The following MSI2 variants were observed in gnomAD, a reference collection of about 807,000 sequenced individuals.
MSI2 encodes musashi RNA binding protein 2, also known as RNA-binding protein Musashi homolog 2.
A neutral mutation model predicts 45.6 loss-of-function variants in MSI2; 17 were observed. The observed-to-expected ratio is 0.37, with a 90% CI of 0.26 to 0.56. MSI2 has a LOEUF of 0.56. Among genes scored for constraint, MSI2 ranks in the 20% least tolerant of loss-of-function variants. The pLI is 0.77. For synonymous variants in MSI2, 156 were observed against 158.2 expected, an observed-to-expected ratio of 0.99 and a Z score of 0.11; for missense variants, 293 against 444.2, an observed-to-expected ratio of 0.66 and a Z score of 3.06.
intron 6 of MSI2, among the ~76,000 whole-genome samples, chr17:57,456,949 T>C (rs986002970): frequency 2.2e-4 from 33 of 152,182 alleles, no homozygotes; most frequent in Admixed American, 1.6e-3. Flanking sequence ...TGTGGTTTCA[T>C]TGGCACTTCA....
chr17:57,633,646 A>G (rs1250752513), intron 10 of MSI2, among the ~76,000 whole-genome samples: 2 of 152,224 alleles, frequency 1.3e-5, no homozygotes, highest in Non-Finnish European at 2.9e-5. Flanking sequence ...ATGAAGCCGG[A>G]GGACCTGGTT....
chr17:57,265,989 C>T (rs1406073843), intron 5 of MSI2: 1 of 152,310 alleles, frequency 6.6e-6, no homozygotes, highest in Middle Eastern at 3.4e-3. Flanking sequence ...TAGCATCTTT[C>T]AGCAAGAGCG....
intron 7 of MSI2, among the ~76,000 whole-genome samples, chr17:57,581,888 A>G (rs1202353146): frequency 6.6e-6 from 1 of 152,270 alleles, no homozygotes; most frequent in Admixed American, 6.5e-5. Context: ...GAATGCTAAT[A>G]GAATAAAATT....
chr17:57,499,093 A>G (rs2086042566), intron 6 of MSI2, among the ~76,000 whole-genome samples: 1 of 152,120 alleles, frequency 6.6e-6, no homozygotes, highest in South Asian at 2.1e-4. Flanking sequence ...GCTAAGGGCA[A>G]GGCCAGACGC....
At chr17:57,281,729 G>A (rs1909436573) in intron 5 of MSI2, among the ~76,000 whole-genome samples, 1 of 152,154 alleles carries the variant, frequency 6.6e-6, no homozygotes, top group African/African-American at 2.4e-5. Context: ...CAAATCAAAG[G>A]TGAGCCCGTT....
At chr17:57,526,356 GGTGTGTGTGTGTGTGTGTGTGTGTGT>G (rs71143203) in intron 6 of MSI2, among the ~76,000 whole-genome samples, 124 of 122,596 alleles carry the variant, frequency 1.0e-3, no homozygotes, top group Middle Eastern at 4.1e-3. Context: ...GATATACCTG[GGTGTGTGTGTGTGTGTGTGTGTGTGT>G]GTGTGTGTGT....
At chr17:57,361,606 CAAAAA>C (rs34432170) in intron 5 of MSI2, among the ~76,000 whole-genome samples, 1 of 71,770 alleles carries the variant, frequency 1.4e-5, no homozygotes. Flanking sequence ...GACCTTGTCT[CAAAAA>C]AAAAAAAAAA....
At chr17:57,342,794 G>T (rs759299467) in intron 5 of MSI2, among the ~76,000 whole-genome samples, 1 of 152,124 alleles carries the variant, frequency 6.6e-6, no homozygotes, top group African/African-American at 2.4e-5. Flanking sequence ...GATAGAAGGG[G>T]AAAATGAGTT....
At chr17:57,459,625 G>A (rs2085184535) in intron 6 of MSI2, among the ~76,000 whole-genome samples, 1 of 152,174 alleles carries the variant, frequency 6.6e-6, no homozygotes, top group Non-Finnish European at 1.5e-5. Flanking sequence ...GTAGTGGTAG[G>A]TCCTGGAGAC....
chr17:57,329,151 T>C (rs1914056990), intron 5 of MSI2, among the ~76,000 whole-genome samples: 1 of 152,162 alleles, frequency 6.6e-6, no homozygotes, highest in Non-Finnish European at 1.5e-5. Flanking sequence ...ATGCTGGGAT[T>C]GTGTGTTGTT....
chr17:57,564,975 G>A (rs1037574047), intron 7 of MSI2, among the ~76,000 whole-genome samples: 2 of 152,186 alleles, frequency 1.3e-5, no homozygotes, highest in Non-Finnish European at 1.5e-5. Context: ...CGTTTATGGG[G>A]CACCTAACAG....
At chr17:57,316,024 A>G (rs1283472100) in intron 5 of MSI2, among the ~76,000 whole-genome samples, 2 of 151,882 alleles carry the variant, frequency 1.3e-5, no homozygotes, top group Non-Finnish European at 2.9e-5. Flanking sequence ...ATTATTATGG[A>G]ATATCTGAGG....
intron 10 of MSI2, among the ~76,000 whole-genome samples, chr17:57,651,206 CCTGA>C (rs1327943523): frequency 6.6e-6 from 1 of 152,148 alleles, no homozygotes; most frequent in Non-Finnish European, 1.5e-5. Context: ...ACCTTGGCCT[CCTGA>C]CTATTATTCC....
At position 57,452,083 on chromosome 17, in the gene MSI2, G is replaced by A. The variant is rs571651255; in HGVS notation, c.405+50612G>A. ...CATGTCCTCAAATCCAGCTTTCCCAGTGTGGGCACCTGTGACCACACCCTC... is the reference window on the plus strand; with the variant it reads ...CATGTCCTCAAATCCAGCTTTCCCAATGTGGGCACCTGTGACCACACCCTC... On this transcript the variant is annotated intron_variant, in intron 6 of 13. Transcript: ENST00000284073. Among the ~76,000 whole-genome samples the A allele has an allele frequency of 4.6e-5, 7 of 152,288 alleles. 1 individual carries two copies. The highest frequency in any genetic ancestry group is 7.2e-5 in the African/African-American group (3 of 41,564).
intron 6 of MSI2, among the ~76,000 whole-genome samples, chr17:57,459,748 C>G (rs758609396): frequency 5.3e-5 from 8 of 152,084 alleles, no homozygotes; most frequent in Non-Finnish European, 1.2e-4. Context: ...AATCCTAGCA[C>G]TTTAGGAGGC....
chr17:57,669,552 A>G (rs1054721488), intron 11 of MSI2, among the ~76,000 whole-genome samples: 6 of 152,246 alleles, frequency 3.9e-5, no homozygotes, highest in African/African-American at 1.4e-4. Context: ...TAAGCATGAT[A>G]TAGACAAGAT....
intron 6 of MSI2, among the ~76,000 whole-genome samples, chr17:57,528,024 C>T (rs1310470102): frequency 2.6e-5 from 4 of 152,148 alleles, no homozygotes; most frequent in Admixed American, 6.5e-5. Context: ...TGCACATCAA[C>T]GGTGCTCAGT....
chr17:57,697,329 C>A, the MSI2 span, among the ~76,000 whole-genome samples: 2 of 151,942 alleles, frequency 1.3e-5, no homozygotes, highest in African/African-American at 4.8e-5. Context: ...ACTTTACTCA[C>A]ACTCAGCCCT....
chr17:57,635,686 C>T (rs1412425297), intron 10 of MSI2, among the ~76,000 whole-genome samples: 1 of 152,248 alleles, frequency 6.6e-6, no homozygotes, highest in African/African-American at 2.4e-5. Context: ...CCTTCCCCAG[C>T]CTGCTGAGCT....
Sources: allele counts gnomAD v4.1 joint callset (sites outside exome capture counted in the v4.1 genomes callset), GRCh38; gene constraint gnomAD v4.1.1; transcripts MANE v1.5; gene names NCBI Gene and HGNC (gene_info 2026-07-23, HGNC 2026-07-21).